AHI1: variants seen among roughly 807,000 people sequenced by gnomAD.
AHI1 encodes jouberin.
Under a neutral mutation model 149.3 loss-of-function variants are expected in AHI1, and 123 were observed. The observed-to-expected ratio is 0.82, with a 90% CI of 0.71 to 0.96. The LOEUF (loss-of-function observed/expected upper bound fraction) is 0.96, where lower values mean the gene tolerates loss of function less well. Among genes scored for constraint, AHI1 ranks in the 40% least tolerant of loss-of-function variants. The probability of loss-of-function intolerance (pLI) is 0.00; values close to 1 mark genes in which losing one functional copy is unlikely to be tolerated. For missense variants in AHI1, 1,439 were observed against 1,422.7 expected, an observed-to-expected ratio of 1.01 and a Z score of -0.18; for synonymous variants, 475 against 459.8, an observed-to-expected ratio of 1.03 and a Z score of -0.42.
chr6:135,310,984 T>C (rs1271043654), intron 26 of AHI1, among the ~76,000 whole-genome samples: 2 of 151,250 alleles, frequency 1.3e-5, no homozygotes, highest in African/African-American at 4.9e-5. Flanking sequence ...CTAAAAATGG[T>C]TAAAAAATAG....
Position 135,318,592 on chromosome 6 carries a change from T to G in AHI1, c.3353A>C (p.Glu1118Ala). Residue 1118 changes from glutamate to alanine, a missense_variant, in exon 26 of 29, where the codon GAG becomes GCG. Transcript: ENST00000265602. ...SETLYQELPP[E>A]IKERSPPLSP... ...TAAAGGAGGGGATCGCTCCTTTATCTCAGGAGGCAGTTCTTGATACAGTGC... is the reference window on the plus strand; with the variant it reads ...TAAAGGAGGGGATCGCTCCTTTATCGCAGGAGGCAGTTCTTGATACAGTGC... 1 of 1,604,738 alleles carries G rather than the reference T, an allele frequency of 6.2e-7. No individual in the cohort carries two copies. The highest frequency in any genetic ancestry group is 8.5e-7 in the Non-Finnish European group (1 of 1,175,476).
At chr6:135,432,883 T>C (rs932415900) in intron 16 of AHI1, 144 bp downstream of exon 16, 13 of 610,374 alleles carry the variant, frequency 2.1e-5, no homozygotes, top group Non-Finnish European at 3.4e-5. Flanking sequence ...CTTAGTGTCA[T>C]ATCTATCATA....
intron 24 of AHI1, among the ~76,000 whole-genome samples, chr6:135,356,516 T>C (rs1792987965): frequency 1.3e-5 from 2 of 152,148 alleles, no homozygotes; most frequent in South Asian, 2.1e-4. Context: ...CCAGGGGCTG[T>C]TGGGGAGAGA....
At chr6:135,458,589 G>A (rs910189336) in intron 8 of AHI1, among the ~76,000 whole-genome samples, 2 of 152,164 alleles carry the variant, frequency 1.3e-5, no homozygotes, top group African/African-American at 4.8e-5. Flanking sequence ...CTTTTCATCT[G>A]GGGTCATCTA....
At chr6:135,360,965 A>G (rs1793767612) in intron 23 of AHI1, among the ~76,000 whole-genome samples, 1 of 152,204 alleles carries the variant, frequency 6.6e-6, no homozygotes, top group African/African-American at 2.4e-5. Context: ...AATTACTCAT[A>G]TGGCTTTGCT....
chr6:135,314,724 T>C (rs551148249), intron 26 of AHI1, among the ~76,000 whole-genome samples: 6 of 152,322 alleles, frequency 3.9e-5, no homozygotes, highest in African/African-American at 1.2e-4. Flanking sequence ...GGTTCTCTCA[T>C]GAACCATGAG....
chr6:135,312,393 A>G (rs921527173), intron 26 of AHI1, among the ~76,000 whole-genome samples: 10 of 152,160 alleles, frequency 6.6e-5, no homozygotes, highest in African/African-American at 2.2e-4. Context: ...GCACGCCTGT[A>G]ATCTCAGCTA....
chr6:135,430,094 A>G, intron 17 of AHI1, 94 bp from the exon 18 acceptor site: 1 of 681,164 alleles, frequency 1.5e-6, no homozygotes. Context: ...ATCATTTCCA[A>G]TTCCACTGTA....
intron 25 of AHI1, among the ~76,000 whole-genome samples, chr6:135,319,562 G>T (rs1333846570): frequency 6.6e-6 from 1 of 152,194 alleles, no homozygotes; most frequent in Admixed American, 6.5e-5. Flanking sequence ...TCTATATACA[G>T]TGTTGAATTT....
At chr6:135,454,310 A>G (rs998646573) in intron 10 of AHI1, among the ~76,000 whole-genome samples, 6 of 152,130 alleles carry the variant, frequency 3.9e-5, no homozygotes, top group African/African-American at 1.4e-4. Flanking sequence ...ATTTTCATAT[A>G]GTATGTAGTG....
rs375436106 is a variant in AHI1 at position 135,310,563 on chromosome 6, G to T, written c.3426+7956C>A. Among the ~76,000 whole-genome samples, 8 of 152,286 alleles carry T rather than the reference G, an allele frequency of 5.3e-5. No individual in the cohort carries two copies. The East Asian group carries it at 1.5e-3, about 29-fold the overall frequency. ...CTGTCCTTTGGAATTAAGCCAGCAT[G>T]CTCTTATTGACTCTACATGCTTAAT... On this transcript the variant is annotated intron_variant, in intron 26 of 28. Transcript: ENST00000265602.
intron 23 of AHI1, among the ~76,000 whole-genome samples, chr6:135,365,388 G>A (rs1417036533): frequency 1.3e-5 from 2 of 152,088 alleles, no homozygotes; most frequent in Non-Finnish European, 2.9e-5. Flanking sequence ...ATTTTTTATT[G>A]CTTTTGGCAG....
At chr6:135,352,154 A>T (rs2746430) in intron 24 of AHI1, among the ~76,000 whole-genome samples, 82,164 of 151,578 alleles carry the variant, frequency 0.54, 22,392 homozygotes, top group Middle Eastern at 0.65. Context: ...ACCACCTGCA[A>T]TTTCATGAGC....
At chr6:135,490,391 T>C in intron 5 of AHI1, 1 of 649,590 alleles carries the variant, frequency 1.5e-6, no homozygotes, top group Non-Finnish European at 2.7e-6. Context: ...CTGGTCATTT[T>C]CCCCACTGTG....
chr6:135,402,739 T>C (rs1780196889), intron 22 of AHI1, among the ~76,000 whole-genome samples: 1 of 152,216 alleles, frequency 6.6e-6, no homozygotes, highest in Admixed American at 6.5e-5. Flanking sequence ...GAATAGTAAA[T>C]GTACATCCTC....
At chr6:135,370,600 G>C (rs1337674342) in intron 23 of AHI1, among the ~76,000 whole-genome samples, 1 of 152,122 alleles carries the variant, frequency 6.6e-6, no homozygotes, top group Non-Finnish European at 1.5e-5. Flanking sequence ...TTAAGTGACT[G>C]TTTGTCTTTA....
chr6:135,387,753 A>T, intron 23 of AHI1: 1 of 1,199,098 alleles, frequency 8.3e-7, no homozygotes, highest in East Asian at 3.2e-5. Context: ...TATAATTTCA[A>T]ACTAAAAAAA....
chr6:135,389,168 A>G (rs559101564), intron 23 of AHI1, among the ~76,000 whole-genome samples: 6 of 151,904 alleles, frequency 3.9e-5, no homozygotes, highest in East Asian at 1.9e-4. Flanking sequence ...AAAATTAGCC[A>G]GGCATGGTGG....
At chr6:135,402,840 A>G (rs2128495379) in intron 22 of AHI1, among the ~76,000 whole-genome samples, 1 of 152,286 alleles carries the variant, frequency 6.6e-6, no homozygotes, top group Middle Eastern at 3.4e-3. Flanking sequence ...AATATGTGTT[A>G]ACTGTTTACA....
Sources: gnomAD v4.1 joint callset for allele counts (sites outside exome capture counted in the v4.1 genomes callset) on GRCh38, gnomAD v4.1.1 for gene constraint, MANE v1.5 for transcripts, NCBI Gene and HGNC (gene_info 2026-07-23, HGNC 2026-07-21) for gene names.